RBFOX1: variants seen among roughly 807,000 people sequenced by gnomAD.
The protein encoded by RBFOX1 is RNA binding fox-1 homolog 1.
A neutral mutation model predicts 57.7 loss-of-function variants in RBFOX1; 8 were observed. That is an observed-to-expected ratio of 0.14 (90% CI 0.08 to 0.25). The LOEUF (loss-of-function observed/expected upper bound fraction) is 0.25, where lower values mean the gene tolerates loss of function less well. Among genes scored for constraint, RBFOX1 ranks in the 10% least tolerant of loss-of-function variants. RBFOX1 has a pLI of 1.00. For synonymous variants in RBFOX1, 326 were observed against 222.4 expected (o/e 1.47, Z -4.15); for missense variants, 611 against 548.5 (o/e 1.11, Z -1.14).
At chr16:5,516,644 A>C (rs914443000) in intron 2 of RBFOX1, among the ~76,000 whole-genome samples, 4 of 152,150 alleles carry the variant, frequency 2.6e-5, no homozygotes, top group African/African-American at 9.7e-5. Context: ...CCCAAATCTC[A>C]TCTTGAGTTA....
intron 2 of RBFOX1, among the ~76,000 whole-genome samples, chr16:5,569,618 A>T (rs1040030194): frequency 1.3e-5 from 2 of 151,888 alleles, no homozygotes; most frequent in Non-Finnish European, 2.9e-5. Context: ...AGAGAGATAA[A>T]ATAAAGTCCC....
intron 1 of RBFOX1, among the ~76,000 whole-genome samples, chr16:5,405,488 T>A (rs992718000): frequency 6.6e-6 from 1 of 152,218 alleles, no homozygotes; most frequent in African/African-American, 2.4e-5. Flanking sequence ...CATGTGGAAC[T>A]GTGAGTCCAT....
chr16:6,351,336 G>C (rs1234592238), intron 2 of RBFOX1, among the ~76,000 whole-genome samples: 3 of 100,906 alleles, frequency 3.0e-5, no homozygotes, highest in African/African-American at 1.7e-4. Context: ...GTGTGTGTGT[G>C]TGTGTGTGTG....
intron 4 of RBFOX1, among the ~76,000 whole-genome samples, chr16:5,967,002 G>GGCGGT (rs1555458327): frequency 9.6e-6 from 1 of 103,760 alleles, no homozygotes; most frequent in Non-Finnish European, 2.1e-5. Context: ...GGGGGGGGGG[G>GGCGGT]GGTCAATAAA....
chr16:7,450,063 T>C (rs1180314358), intron 4 of RBFOX1, among the ~76,000 whole-genome samples: 1 of 152,006 alleles, frequency 6.6e-6, no homozygotes, highest in African/African-American at 2.4e-5. Flanking sequence ...CCTGTCATCA[T>C]AGAAAGAAAA....
At chr16:7,197,807 G>C (rs549896103) in intron 4 of RBFOX1, among the ~76,000 whole-genome samples, 1 of 152,160 alleles carries the variant, frequency 6.6e-6, no homozygotes, top group South Asian at 2.1e-4. Context: ...CTAAGGGAAG[G>C]AACCAGACAC....
At chr16:5,517,288 C>G (rs954523864) in intron 2 of RBFOX1, among the ~76,000 whole-genome samples, 2 of 152,064 alleles carry the variant, frequency 1.3e-5, no homozygotes, top group African/African-American at 4.8e-5. Flanking sequence ...TTGTTCAGGC[C>G]CCTTCTCAGG....
intron 2 of RBFOX1, among the ~76,000 whole-genome samples, chr16:5,558,159 G>T (rs1375377817): frequency 6.6e-6 from 1 of 152,188 alleles, no homozygotes; most frequent in Non-Finnish European, 1.5e-5. Context: ...CTTCCGGTAT[G>T]CTGGGCGAGA....
chr16:6,039,464 G>A (rs376110207), intron 1 of RBFOX1, among the ~76,000 whole-genome samples: 14 of 152,022 alleles, frequency 9.2e-5, no homozygotes, highest in Non-Finnish European at 1.3e-4. Flanking sequence ...CTTGGAGACC[G>A]AAGTTCTATG....
At chr16:7,067,542 TA>T (rs1358582416) in intron 4 of RBFOX1, among the ~76,000 whole-genome samples, 1 of 151,980 alleles carries the variant, frequency 6.6e-6, no homozygotes, top group Non-Finnish European at 1.5e-5. Context: ...TTTCTTTTTT[TA>T]TTTTATTATA....
At position 6,007,752 on chromosome 16, in the gene RBFOX1, C is replaced by T. The variant is rs539580325; in HGVS notation, c.351+140417C>T. The stretch of plus-strand genomic sequence containing the variant: ...CCCAGAAGCCTGGAAGATAGCCAGG[C>T]GATGACGATGTGTTTTGAGCTGGAG... On this transcript the variant is annotated intron_variant, in intron 4 of 19. Transcript: ENST00000641259. Among the ~76,000 whole-genome samples, 54 of 152,058 alleles carry T rather than the reference C, an allele frequency of 3.6e-4. 1 individual carries two copies. Among genetic ancestry groups the T allele is most frequent in the African/African-American group, 9.4e-4 (39 of 41,480 alleles).
At chr16:5,476,290 A>T (rs948127738) in intron 2 of RBFOX1, among the ~76,000 whole-genome samples, 1 of 152,220 alleles carries the variant, frequency 6.6e-6, no homozygotes, top group Non-Finnish European at 1.5e-5. Flanking sequence ...TGTCAATTAA[A>T]AAAATAATAA....
chr16:6,597,180 G>C (rs1481424129), intron 2 of RBFOX1, among the ~76,000 whole-genome samples: 1 of 152,146 alleles, frequency 6.6e-6, no homozygotes, highest in Non-Finnish European at 1.5e-5. Flanking sequence ...AAATTACTAA[G>C]GACGATTCTC....
At chr16:5,430,746 T>C (rs1180741368) in intron 1 of RBFOX1, among the ~76,000 whole-genome samples, 1 of 152,234 alleles carries the variant, frequency 6.6e-6, no homozygotes, top group African/African-American at 2.4e-5. Context: ...AGACGCCTCA[T>C]TGTAGTAATA....
At chr16:7,492,404 C>G (rs2067226136) in intron 4 of RBFOX1, among the ~76,000 whole-genome samples, 1 of 151,958 alleles carries the variant, frequency 6.6e-6, no homozygotes, top group Non-Finnish European at 1.5e-5. Flanking sequence ...TCAGATACTT[C>G]CCTATAATCA....
intron 2 of RBFOX1, among the ~76,000 whole-genome samples, chr16:6,626,143 T>A (rs575829928): frequency 6.6e-6 from 1 of 152,042 alleles, no homozygotes; most frequent in East Asian, 1.9e-4. Context: ...CTGCAGGTTT[T>A]TTTTTTTTTT....
At chr16:6,866,146 T>A (rs888516421) in intron 3 of RBFOX1, among the ~76,000 whole-genome samples, 4 of 152,170 alleles carry the variant, frequency 2.6e-5, no homozygotes, top group African/African-American at 7.2e-5. Flanking sequence ...CTATCTAATA[T>A]GCATTTTTCT....
intron 14 of RBFOX1, among the ~76,000 whole-genome samples, chr16:7,688,727 T>C (rs145859453): frequency 6.6e-6 from 1 of 152,188 alleles, no homozygotes; most frequent in African/African-American, 2.4e-5. Flanking sequence ...AAAACCATCT[T>C]AAAAGATTAG....
At position 5,771,077 on chromosome 16, in the gene RBFOX1, T is replaced by G. The variant is rs559283256; in HGVS notation, c.319-96226T>G. Among the ~76,000 whole-genome samples the G allele has an allele frequency of 5.9e-5, 9 of 152,208 alleles. No homozygotes were observed. The East Asian group carries it at 1.5e-3, about 26-fold the overall frequency. ...GAGGCTGCCTCCCAGATCTACTGAG[T>G]CATAAACTGCATTTTAAACTGTGTA... On this transcript the variant is annotated intron_variant, in intron 3 of 19. Coordinates refer to the RBFOX1 transcript ENST00000641259.
Sources: gnomAD v4.1 joint callset for allele counts (sites outside exome capture counted in the v4.1 genomes callset) on GRCh38, gnomAD v4.1.1 for gene constraint, MANE v1.5 for transcripts, NCBI Gene and HGNC (gene_info 2026-07-23, HGNC 2026-07-21) for gene names.